IL4I1: variants seen among roughly 807,000 people sequenced by gnomAD.
The protein encoded by IL4I1 is interleukin 4 induced 1.
A neutral mutation model predicts 29.7 loss-of-function variants in IL4I1; 24 were observed. The observed-to-expected ratio is 0.81, with a 90% CI of 0.59 to 1.14. The LOEUF is 1.14. IL4I1 is among the 50% of genes most tolerant of loss of function. The pLI is 0.00. For missense variants in IL4I1, 686 were observed against 785.6 expected (o/e 0.87, Z 1.52); for synonymous variants, 371 against 352.5 (o/e 1.05, Z -0.59).
chr19:49,904,274 A>T (rs545596140), exon 3 of IL4I1: 1 of 152,358 alleles, frequency 6.6e-6, no homozygotes, highest in South Asian at 2.1e-4. Context: ...ACTTAAGGAA[A>T]GGCCATTTGT....
intron 2 of IL4I1, chr19:49,907,893 A>G: frequency 7.3e-6 from 3 of 413,700 alleles, no homozygotes; most frequent in South Asian, 4.8e-5. Flanking sequence ...TGCTTTGGAG[A>G]GAGTGGCTGC....
At chr19:49,898,193 C>G (rs775563710), upstream of IL4I1, among the ~76,000 whole-genome samples, 1 of 152,054 alleles carries the variant, frequency 6.6e-6, no homozygotes, top group Non-Finnish European at 1.5e-5. Context: ...TGGTGGCATA[C>G]GCCTGTAGTC....
chr19:49,924,784 C>T (rs2075845981), intron 2 of IL4I1, among the ~76,000 whole-genome samples: 1 of 152,196 alleles, frequency 6.6e-6, no homozygotes, highest in African/African-American at 2.4e-5. Context: ...AACTGGCACC[C>T]ACTCACCCTG....
At chr19:49,903,588 G>T (rs569865945) in intron 3 of IL4I1, among the ~76,000 whole-genome samples, 4 of 152,188 alleles carry the variant, frequency 2.6e-5, no homozygotes, top group African/African-American at 9.7e-5. Flanking sequence ...CTGAGTCTGA[G>T]GGGCAGATTT....
intron 2 of IL4I1, among the ~76,000 whole-genome samples, chr19:49,913,874 G>A (rs886539382): frequency 2.0e-5 from 3 of 152,202 alleles, no homozygotes; most frequent in Non-Finnish European, 4.4e-5. Context: ...GGAGCCACAG[G>A]CGGACTTTAT....
rs924161160 is a variant in IL4I1, at chr19:49,890,171, C to G, written c.1203G>C (p.Ser401=). Reference sequence around the variant, plus strand: ...AGCCGGCGAACGCTGCCGCCGCGTCCGACCACGTGTACGAGGCCAGCAGCA... The same window carrying G: ...AGCCGGCGAACGCTGCCGCCGCGTCGGACCACGTGTACGAGGCCAGCAGCA... ...GALLLASYTW[S]DAAAAFAGLS... is the part of the protein sequence containing the mutation. Residue 401 remains serine (S), a synonymous_variant, in exon 8 of 8, where the codon TCG becomes TCC. Transcript: ENST00000391826. 1 of 1,542,612 alleles carries G rather than the reference C, an allele frequency of 6.5e-7. No homozygotes were observed. Among genetic ancestry groups the G allele is most frequent in the African/African-American group, 1.4e-5 (1 of 72,874 alleles).
At position 49,890,005 on chromosome 19, in the gene IL4I1, G is replaced by A; in HGVS notation, c.1369C>T (p.Gln457Ter). ...TCGGTTTGCCAGAGCGCCGGCGGCTGTACCACAAAGCCACCCTGGCTGTGC... is the reference window on the plus strand; with the variant it reads ...TCGGTTTGCCAGAGCGCCGGCGGCTATACCACAAAGCCACCCTGGCTGTGC... ...DQHSQGGFVVQPPALWQTEKD... is the reference protein window; with the variant it reads ...DQHSQGGFVV Residue 457 changes from glutamine to a stop codon, truncating the protein, a stop_gained, in exon 8 of 8, where the codon CAG becomes TAG. Transcript: ENST00000391826. LOFTEE classifies it low-confidence loss of function (END_TRUNC). 15 of 1,555,126 alleles carry A rather than the reference G, an allele frequency of 9.6e-6. No individual in the cohort carries two copies. The highest frequency in any genetic ancestry group is 1.2e-5 in the Non-Finnish European group (14 of 1,149,544).
intron 3 of IL4I1, among the ~76,000 whole-genome samples, chr19:49,902,297 G>A (rs1443373147): frequency 1.3e-5 from 2 of 151,696 alleles, no homozygotes; most frequent in African/African-American, 4.8e-5. Context: ...CACTGCACCT[G>A]ACCATGTTTT....
intron 2 of IL4I1, among the ~76,000 whole-genome samples, chr19:49,919,298 A>C (rs577423283): frequency 6.6e-6 from 1 of 152,314 alleles, no homozygotes; most frequent in African/African-American, 2.4e-5. Flanking sequence ...CTGCTGTTGC[A>C]CATCTTTGCA....
rs201490494 is a variant in IL4I1 at position 49,896,209 on chromosome 19, T to C, written c.-22-27A>G. The stretch of plus-strand genomic sequence containing the variant: ...TGGGGTGGAGGAGAAGGGAGGGCTG[T>C]TGTGACTGAGGCCTGTGACCACTGT... On this transcript the variant is annotated intron_variant, in intron 1 of 7. Coordinates refer to ENST00000391826, the MANE Select transcript of IL4I1 (RefSeq NM_152899.2). The C allele has an allele frequency of 5.4e-6, 8 of 1,484,634 alleles. No individual in the cohort carries two copies. The East Asian group carries it at 2.0e-4, about 36-fold the overall frequency. 92.0% of individuals were successfully genotyped at this position (1,484,634 alleles called of 1,614,324 possible).
intron 2 of IL4I1, among the ~76,000 whole-genome samples, chr19:49,904,691 C>T (rs2075299863): frequency 1.3e-5 from 2 of 151,770 alleles, no homozygotes; most frequent in Admixed American, 1.3e-4. Flanking sequence ...CACCCACCAC[C>T]ACGCCGGGCT....
chr19:49,892,386 C>T (rs2075151302), intron 5 of IL4I1, among the ~76,000 whole-genome samples: 1 of 152,154 alleles, frequency 6.6e-6, no homozygotes, highest in Admixed American at 6.6e-5. Flanking sequence ...GCCAGGTACC[C>T]GCCTTCTGAC....
chr19:49,914,683 T>C (rs922586480), intron 2 of IL4I1, among the ~76,000 whole-genome samples: 1 of 146,972 alleles, frequency 6.8e-6, no homozygotes, highest in Admixed American at 6.9e-5. Flanking sequence ...TCAGCTCTAC[T>C]ACCTTACCTC....
intron 2 of IL4I1, chr19:49,918,627 T>C (rs1328351992): frequency 6.6e-6 from 1 of 152,114 alleles, no homozygotes; most frequent in Non-Finnish European, 1.5e-5. Context: ...AGGACCTGTG[T>C]GGAGACAAAG....
intron 2 of IL4I1, among the ~76,000 whole-genome samples, chr19:49,916,664 T>A (rs1447962055): frequency 6.6e-6 from 1 of 151,496 alleles, no homozygotes; most frequent in Non-Finnish European, 1.5e-5. Flanking sequence ...CTCGGGAGGC[T>A]GAGGCAGGAG....
intron 3 of IL4I1, 117 bp downstream of exon 3, chr19:49,895,698 T>C: frequency 2.8e-6 from 2 of 705,414 alleles, no homozygotes; most frequent in Non-Finnish European, 2.4e-6. Context: ...AGATAGCCTC[T>C]CCCCCCACAT....
intron 2 of IL4I1, among the ~76,000 whole-genome samples, chr19:49,904,830 C>T (rs1039746259): frequency 6.6e-6 from 1 of 152,002 alleles, no homozygotes; most frequent in Non-Finnish European, 1.5e-5. Flanking sequence ...CTGCCTCAGT[C>T]TCCCGAGTAG....
At chr19:49,922,457 G>A (rs1325018048) in intron 2 of IL4I1, among the ~76,000 whole-genome samples, 2 of 152,166 alleles carry the variant, frequency 1.3e-5, no homozygotes, top group East Asian at 1.9e-4. Context: ...GGACCGGGCT[G>A]TGTCGGAATG....
chr19:49,908,386 G>C (rs748368965), intron 2 of IL4I1: 8 of 1,614,240 alleles, frequency 5.0e-6, no homozygotes, highest in Non-Finnish European at 6.8e-6. Context: ...GGATCTTGCA[G>C]ATCTGCTGCA....
Sources: gnomAD v4.1 joint callset for allele counts (sites outside exome capture counted in the v4.1 genomes callset) on GRCh38, gnomAD v4.1.1 for gene constraint, MANE v1.5 for transcripts, NCBI Gene and HGNC (gene_info 2026-07-23, HGNC 2026-07-21) for gene names.